The following PALD1 variants were observed in gnomAD, a reference collection of about 807,000 sequenced individuals.
PALD1 encodes the protein paladin.
Under a neutral mutation model 96.0 loss-of-function variants are expected in PALD1, and 57 were observed. The observed-to-expected ratio is 0.59, with a 90% CI of 0.48 to 0.74. PALD1 has a LOEUF of 0.74. PALD1 is among the 30% of genes least tolerant of loss of function. PALD1 has a pLI of 0.00. For synonymous variants in PALD1, 464 were observed against 473.6 expected (o/e 0.98, Z 0.26); for missense variants, 1,063 against 1,143.7 (o/e 0.93, Z 1.02).
intron 1 of PALD1, among the ~76,000 whole-genome samples, chr10:70,493,131 T>C (rs907855656): frequency 6.6e-6 from 1 of 152,216 alleles, no homozygotes; most frequent in African/African-American, 2.4e-5. Context: ...TGCTGCTTCC[T>C]TTTTTTGAAT....
chr10:70,504,651 A>G (rs1846352896), intron 1 of PALD1, among the ~76,000 whole-genome samples: 1 of 152,260 alleles, frequency 6.6e-6, no homozygotes, highest in African/African-American at 2.4e-5. Flanking sequence ...AAAATTGAAT[A>G]GGAAGCGTGG....
intron 1 of PALD1, among the ~76,000 whole-genome samples, chr10:70,517,898 T>G (rs922889013): frequency 4.6e-5 from 7 of 152,046 alleles, no homozygotes; most frequent in Admixed American, 1.3e-4. Context: ...TTTTTGGGGT[T>G]GTTTTTTTTA....
intron 17 of PALD1, among the ~76,000 whole-genome samples, chr10:70,544,385 T>G (rs538807244): frequency 2.6e-5 from 4 of 152,156 alleles, no homozygotes; most frequent in East Asian, 1.9e-4. Context: ...TTGCACTATG[T>G]GTTTGACCTT....
chr10:70,509,521 A>G (rs1221322192), intron 1 of PALD1, among the ~76,000 whole-genome samples: 1 of 152,152 alleles, frequency 6.6e-6, no homozygotes, highest in Non-Finnish European at 1.5e-5. Context: ...TGGGGAGGTG[A>G]GGCATGTACT....
chr10:70,531,534 G>A (rs1428351471), intron 5 of PALD1, 80 bp downstream of exon 5: 20 of 1,352,080 alleles, frequency 1.5e-5, no homozygotes, highest in Non-Finnish European at 1.8e-5. Context: ...CAGCTCACCT[G>A]CTCTTACTGG....
At chr10:70,524,168 T>TAAGGATGCTTATTGTCC (rs573143278) in intron 1 of PALD1, among the ~76,000 whole-genome samples, 1 of 152,178 alleles carries the variant, frequency 6.6e-6, no homozygotes, top group African/African-American at 2.4e-5. Flanking sequence ...TGCCATGCTC[T>TAAGGATGCTTATTGTCC]AAGGATGCTT....
intron 1 of PALD1, among the ~76,000 whole-genome samples, chr10:70,482,358 T>TTC (rs940074159): frequency 1.3e-5 from 2 of 152,148 alleles, no homozygotes; most frequent in African/African-American, 4.8e-5. Context: ...AATCATGGCT[T>TTC]TCGTTTCCCA....
intron 18 of PALD1, among the ~76,000 whole-genome samples, chr10:70,563,248 C>T (rs535532414): frequency 6.6e-6 from 1 of 152,148 alleles, no homozygotes; most frequent in South Asian, 2.1e-4. Context: ...CCCAGCTCCC[C>T]GTCTTGTCCC....
In PALD1 at chr10:70,525,269, C is replaced by T. The variant is rs562389429; in HGVS notation, c.-29-654C>T. Among the ~76,000 whole-genome samples, 55 of 152,136 alleles carry T rather than the reference C, an allele frequency of 3.6e-4. No homozygotes were observed. In the South Asian group the frequency reaches 4.0e-3, roughly 11 times the overall value. ...TCAAGCGATCTGCCTGCCTCAGCCT[C>T]CCAAAGTGCTGGGATTATAGGCATG... On this transcript the variant is annotated intron_variant, in intron 1 of 19. Transcript: ENST00000263563.
chr10:70,538,826 G>T (rs751656153), intron 12 of PALD1, 66 bp from the exon 13 acceptor site: 3 of 1,401,568 alleles, frequency 2.1e-6, no homozygotes, highest in Admixed American at 1.7e-5. Context: ...CCTTGGGCCA[G>T]GTCCTGACCC....
At chr10:70,505,661 A>C (rs1376951664) in intron 1 of PALD1, among the ~76,000 whole-genome samples, 1 of 151,610 alleles carries the variant, frequency 6.6e-6, no homozygotes, top group Non-Finnish European at 1.5e-5. Flanking sequence ...ACAAATCAGA[A>C]ACTGTCTGCC....
intron 1 of PALD1, among the ~76,000 whole-genome samples, chr10:70,489,468 T>C (rs1846067253): frequency 2.6e-5 from 4 of 152,142 alleles, no homozygotes; most frequent in African/African-American, 9.7e-5. Context: ...AGGAATCCTG[T>C]GTGGTGGTTC....
chr10:70,528,536 C>T (rs755297550), intron 2 of PALD1, among the ~76,000 whole-genome samples: 2 of 152,138 alleles, frequency 1.3e-5, no homozygotes, highest in Admixed American at 6.5e-5. Context: ...GGCTTCATGC[C>T]CCAAGCCTGC....
intron 7 of PALD1, 97 bp downstream of exon 7, chr10:70,533,167 AG>A: frequency 1.1e-6 from 1 of 949,360 alleles, no homozygotes; most frequent in African/African-American, 1.6e-5. Context: ...CCTCAGAGGA[AG>A]GCTTCATTCT....
At chr10:70,554,634 G>A (rs1366955538) in intron 18 of PALD1, among the ~76,000 whole-genome samples, 1 of 152,032 alleles carries the variant, frequency 6.6e-6, no homozygotes, top group Non-Finnish European at 1.5e-5. Flanking sequence ...AAATATTTAT[G>A]ACAAAAACCA....
At chr10:70,542,857 G>A (rs779635951) in intron 17 of PALD1, among the ~76,000 whole-genome samples, 6 of 152,096 alleles carry the variant, frequency 3.9e-5, no homozygotes, top group East Asian at 3.8e-4. Flanking sequence ...GCTGTTTGCC[G>A]CAGTATATGC....
the PALD1 span, among the ~76,000 whole-genome samples, chr10:70,463,302 G>A: frequency 5.7e-3 from 872 of 152,188 alleles, 25 homozygotes; most frequent in Admixed American, 9.1e-3. Context: ...TACCAGCTAC[G>A]GGGAGGCTGA....
At chr10:70,537,965 C>A in intron 11 of PALD1, 59 bp downstream of exon 11, 1 of 1,230,762 alleles carries the variant, frequency 8.1e-7, no homozygotes, top group Non-Finnish European at 1.2e-6. Context: ...CCAGCCTCCC[C>A]ACCGCAGTGA....
At chr10:70,466,217 T>C in the PALD1 span, among the ~76,000 whole-genome samples, 2 of 152,282 alleles carry the variant, frequency 1.3e-5, no homozygotes, top group East Asian at 3.9e-4. Context: ...TGTGGTAAAA[T>C]ATACATAACA....
Sources: allele counts gnomAD v4.1 joint callset (sites outside exome capture counted in the v4.1 genomes callset), GRCh38; gene constraint gnomAD v4.1.1; transcripts MANE v1.5; gene names NCBI Gene and HGNC (gene_info 2026-07-23, HGNC 2026-07-21).